LAMC1: variants seen among roughly 807,000 people sequenced by gnomAD.
LAMC1 encodes the protein laminin subunit gamma-1.
In LAMC1, 38 loss-of-function variants were observed where a neutral mutation model predicts 173.6. That is an observed-to-expected ratio of 0.22 (90% CI 0.17 to 0.29). LAMC1 has a LOEUF of 0.29. Among genes scored for constraint, LAMC1 ranks in the 10% least tolerant of loss-of-function variants. The pLI, the probability that LAMC1 is intolerant of heterozygous loss-of-function variation, is 1.00. For synonymous variants in LAMC1, 746 were observed against 749.1 expected (o/e 1.00, Z 0.07); for missense variants, 1,824 against 2,051.8 (o/e 0.89, Z 2.14).
chr1:183,035,935 A>G (rs920169265), intron 1 of LAMC1, among the ~76,000 whole-genome samples: 3 of 152,070 alleles, frequency 2.0e-5, no homozygotes, highest in Non-Finnish European at 4.4e-5. Flanking sequence ...TTGTATCTCT[A>G]TGTTAGCCTT....
intron 2 of LAMC1, among the ~76,000 whole-genome samples, chr1:183,104,565 T>C (rs1655921339): frequency 6.6e-6 from 1 of 152,220 alleles, no homozygotes; most frequent in South Asian, 2.1e-4. Context: ...GTACATTATA[T>C]GAAAAGCTAT....
intron 1 of LAMC1, among the ~76,000 whole-genome samples, chr1:183,026,728 CT>C (rs1167712124): frequency 3.9e-5 from 6 of 152,206 alleles, no homozygotes; most frequent in Non-Finnish European, 2.9e-5. Flanking sequence ...CTAGCCACCA[CT>C]TTTCTAGCCT....
At position 183,076,882 on chromosome 1, in the gene LAMC1, C is replaced by T. The variant is rs568836117; in HGVS notation, c.419-26446C>T. Among the ~76,000 whole-genome samples the T allele has an allele frequency of 1.5e-3, 227 of 152,304 alleles. 1 individual carries two copies. The highest frequency in any genetic ancestry group is 5.3e-3 in the African/African-American group (220 of 41,560). On this transcript the variant is annotated intron_variant, in intron 1 of 27. Transcript: ENST00000258341. ...TCTCTTAGAGACCCCACTGTGTCTCCCCTTACCATCTAATACCTTGTCCTA... is the reference window on the plus strand; with the variant it reads ...TCTCTTAGAGACCCCACTGTGTCTCTCCTTACCATCTAATACCTTGTCCTA...
intron 27 of LAMC1, chr1:183,140,929 A>G (rs1657095702): frequency 6.6e-6 from 1 of 152,542 alleles, no homozygotes; most frequent in Non-Finnish European, 1.5e-5. Context: ...TCATTGTACA[A>G]CTAAACAGTG....
rs766334377 is a variant in LAMC1, at chr1:183,136,595, T to C, written c.4314+10T>C. On this transcript the variant is annotated intron_variant, in intron 25 of 27. Coordinates refer to ENST00000258341, the MANE Select transcript of LAMC1 (RefSeq NM_002293.4). The stretch of plus-strand genomic sequence containing the variant: ...GAGCGCTGTCCAAAAGGTGTGCGTT[T>C]CCTCTTCTCCAAGAGTCCCTGCCCA... 9 of 1,579,000 alleles carry C rather than the reference T, an allele frequency of 5.7e-6. No homozygotes were observed. The highest frequency in any genetic ancestry group is 2.3e-5 in the East Asian group (1 of 43,478).
intron 1 of LAMC1, among the ~76,000 whole-genome samples, chr1:183,071,189 C>T (rs1221918488): frequency 6.6e-6 from 1 of 150,558 alleles, no homozygotes; most frequent in African/African-American, 2.4e-5. Context: ...GTGTTGACAA[C>T]TTAGGAAATT....
intron 1 of LAMC1, among the ~76,000 whole-genome samples, chr1:183,095,051 G>C (rs1342343976): frequency 6.6e-6 from 1 of 152,056 alleles, no homozygotes; most frequent in Non-Finnish European, 1.5e-5. Context: ...TCACCATGTT[G>C]ATCAGGCTGG....
At chr1:183,100,192 T>G (rs1285592723) in intron 1 of LAMC1, among the ~76,000 whole-genome samples, 2 of 152,190 alleles carry the variant, frequency 1.3e-5, no homozygotes, top group Non-Finnish European at 2.9e-5. Flanking sequence ...TTTCTCTCCA[T>G]TCCTCTGTTC....
intron 22 of LAMC1, among the ~76,000 whole-genome samples, 190 bp downstream of exon 22, chr1:183,133,740 G>A (rs1329712080): frequency 6.6e-6 from 1 of 152,108 alleles, no homozygotes; most frequent in African/African-American, 2.4e-5. Flanking sequence ...GCCAACCCTG[G>A]GAGGCTGAGG....
At chr1:183,048,355 C>G (rs1236034342) in intron 1 of LAMC1, among the ~76,000 whole-genome samples, 1 of 152,184 alleles carries the variant, frequency 6.6e-6, no homozygotes, top group Non-Finnish European at 1.5e-5. Context: ...AAAATGTCCT[C>G]TTTATCTTAA....
At chr1:183,090,921 G>A (rs905374006) in intron 1 of LAMC1, among the ~76,000 whole-genome samples, 1 of 152,052 alleles carries the variant, frequency 6.6e-6, no homozygotes, top group African/African-American at 2.4e-5. Flanking sequence ...TTTGTGAGCT[G>A]TATAAGAGCT....
intron 1 of LAMC1, among the ~76,000 whole-genome samples, chr1:183,077,728 G>A (rs972036542): frequency 2.8e-5 from 4 of 141,750 alleles, no homozygotes; most frequent in East Asian, 2.2e-4. Context: ...TGCAAATGCC[G>A]TTAATTCATT....
At chr1:183,104,779 G>A (rs900337361) in intron 2 of LAMC1, among the ~76,000 whole-genome samples, 4 of 152,176 alleles carry the variant, frequency 2.6e-5, no homozygotes, top group Non-Finnish European at 5.9e-5. Context: ...AAGCATGAAT[G>A]TGAAAGCTGT....
intron 1 of LAMC1, among the ~76,000 whole-genome samples, chr1:183,061,646 G>T (rs1477006094): frequency 1.3e-5 from 2 of 152,216 alleles, no homozygotes; most frequent in East Asian, 3.9e-4. Flanking sequence ...TATGAAAAAT[G>T]TCAAAAGGAA....
At chr1:183,082,376 A>G (rs1655301029) in intron 1 of LAMC1, among the ~76,000 whole-genome samples, 1 of 152,256 alleles carries the variant, frequency 6.6e-6, no homozygotes, top group East Asian at 1.9e-4. Context: ...CAAGCAATGA[A>G]TGAGAGTAGT....
At chr1:183,081,259 A>C (rs1269071989) in intron 1 of LAMC1, among the ~76,000 whole-genome samples, 1 of 152,158 alleles carries the variant, frequency 6.6e-6, no homozygotes, top group Non-Finnish European at 1.5e-5. Flanking sequence ...GTTGGCTTCT[A>C]AAACAAGTGT....
intron 11 of LAMC1, among the ~76,000 whole-genome samples, chr1:183,120,192 G>GAAAAAAA (rs1553257453): frequency 2.6e-4 from 36 of 137,560 alleles, no homozygotes; most frequent in South Asian, 9.2e-4. Flanking sequence ...AAAAAAAAAG[G>GAAAAAAA]TGGCGGGGTG....
At position 183,077,776 on chromosome 1, in the gene LAMC1, G is replaced by GTGTGTGTGTGTATATATATATATATA; in HGVS notation, c.419-25551_419-25550insGTGTGTGTGTATATATATATATATAT. ...TGAATAGTATTTTTATGGCCATTGT[G>GTGTGTGTGTGTATATATATATATATA]TATATATATATATATATATACAGTA... On this transcript the variant is annotated intron_variant, in intron 1 of 27. Coordinates refer to ENST00000258341, the MANE Select transcript of LAMC1 (RefSeq NM_002293.4). Among the ~76,000 whole-genome samples the GTGTGTGTGTGTATATATATATATATA allele has an allele frequency of 1.3e-3, 154 of 116,526 alleles. 10 individuals are homozygous for GTGTGTGTGTGTATATATATATATATA. Among genetic ancestry groups the GTGTGTGTGTGTATATATATATATATA allele is most frequent in the Non-Finnish European group, 2.2e-3 (118 of 53,146 alleles). 76.4% of individuals were successfully genotyped at this position (116,526 alleles called of 152,430 possible).
intron 1 of LAMC1, among the ~76,000 whole-genome samples, chr1:183,059,095 G>C (rs1654677378): frequency 6.6e-6 from 1 of 152,212 alleles, no homozygotes; most frequent in Non-Finnish European, 1.5e-5. Context: ...TAGTGCGTGT[G>C]TATTTTCTTA....
Sources: gnomAD v4.1 joint callset for allele counts (sites outside exome capture counted in the v4.1 genomes callset) on GRCh38, gnomAD v4.1.1 for gene constraint, MANE v1.5 for transcripts, NCBI Gene and HGNC (gene_info 2026-07-23, HGNC 2026-07-21) for gene names.